RIMS1: variants seen among roughly 807,000 people sequenced by gnomAD.
RIMS1 encodes the protein regulating synaptic membrane exocytosis protein 1.
In RIMS1, 83 loss-of-function variants were observed where a neutral mutation model predicts 214.1. That is an observed-to-expected ratio of 0.39 (90% CI 0.32 to 0.47). The LOEUF (loss-of-function observed/expected upper bound fraction) is 0.47, where lower values mean the gene tolerates loss of function less well. Among genes scored for constraint, RIMS1 ranks in the 20% least tolerant of loss-of-function variants. The pLI is 0.99. For missense variants in RIMS1, 2,050 were observed against 2,161.8 expected, an observed-to-expected ratio of 0.95 and a Z score of 1.03; for synonymous variants, 793 against 786.8, an observed-to-expected ratio of 1.01 and a Z score of -0.13.
In RIMS1 at chr6:72,290,820, T is replaced by G. The variant is rs1380897315; in HGVS notation, c.3696T>G (p.Leu1232=). The G allele has an allele frequency of 6.2e-7, 1 of 1,613,508 alleles. No individual in the cohort carries two copies. Among genetic ancestry groups the G allele is most frequent in the African/African-American group, 1.3e-5 (1 of 75,030 alleles). ...SIRTLCSMHH[L]VPGGSAPPSP... is the part of the protein sequence containing the mutation. ...GAACACTGTGTTCTATGCACCACCT[T>G]GTCCCTGGAGGGTCGGCGCCACCTT... Residue 1232 remains leucine (L), a synonymous_variant, in exon 25 of 34, where the codon CTT becomes CTG. Coordinates refer to ENST00000521978, the MANE Select transcript of RIMS1 (RefSeq NM_014989.7).
intron 1 of RIMS1, among the ~76,000 whole-genome samples, chr6:71,943,966 C>T (rs1019911460): frequency 7.9e-5 from 12 of 152,062 alleles, no homozygotes; most frequent in African/African-American, 1.4e-4. Context: ...GAAATTTTAA[C>T]GTGTAATATA....
At position 72,096,935 on chromosome 6, in the gene RIMS1, T is replaced by C; in HGVS notation, c.246-14T>C. ...CTATTTACTTAGTTTGCTACCATTT[T>C]CTCTTTTGCCTAGGAGATTGCATCA... On this transcript the variant is annotated splice_polypyrimidine_tract_variant and intron_variant, in intron 2 of 33. Transcript: ENST00000521978. 1 of 1,605,912 alleles carries C rather than the reference T, an allele frequency of 6.2e-7. No individual in the cohort carries two copies. Among genetic ancestry groups the C allele is most frequent in the Non-Finnish European group, 8.5e-7 (1 of 1,174,032 alleles).
intron 4 of RIMS1, among the ~76,000 whole-genome samples, chr6:72,114,832 C>A (rs2153823492): frequency 6.6e-6 from 1 of 151,960 alleles, no homozygotes; most frequent in East Asian, 1.9e-4. Flanking sequence ...GTGGAGCTGT[C>A]TTATCAAACC....
chr6:72,148,154 A>C (rs927474782), intron 4 of RIMS1, among the ~76,000 whole-genome samples: 1 of 152,188 alleles, frequency 6.6e-6, no homozygotes, highest in African/African-American at 2.4e-5. Flanking sequence ...TGGGGGATTC[A>C]TCTGAGGGGT....
At chr6:71,922,093 A>G (rs1780181381) in intron 1 of RIMS1, among the ~76,000 whole-genome samples, 1 of 152,144 alleles carries the variant, frequency 6.6e-6, no homozygotes, top group Non-Finnish European at 1.5e-5. Flanking sequence ...CACTTCTCAC[A>G]TATACATAAT....
intron 6 of RIMS1, among the ~76,000 whole-genome samples, chr6:72,186,749 AT>A (rs2049155353): frequency 6.7e-6 from 1 of 149,736 alleles, no homozygotes; most frequent in Non-Finnish European, 1.5e-5. Flanking sequence ...TCACTTCCTC[AT>A]TCTATGTCCG....
chr6:72,265,557 C>CA (rs1308175941), intron 21 of RIMS1, 54 bp downstream of exon 21: 9 of 1,067,030 alleles, frequency 8.4e-6, no homozygotes, highest in African/African-American at 4.8e-5. Context: ...TGTTGTGAAC[C>CA]AAAAAAGTTG....
chr6:72,168,658 G>A (rs897106197), intron 4 of RIMS1, among the ~76,000 whole-genome samples: 14 of 150,226 alleles, frequency 9.3e-5, no homozygotes, highest in Non-Finnish European at 2.1e-4. Flanking sequence ...TAGTGCACAT[G>A]CTTGAGCCCA....
chr6:72,235,523 C>T, intron 7 of RIMS1, 95 bp from the exon 8 acceptor site: 2 of 756,480 alleles, frequency 2.6e-6, no homozygotes, highest in Non-Finnish European at 4.5e-6. Context: ...CAGTTCTATC[C>T]ATGTTACCTC....
intron 2 of RIMS1, among the ~76,000 whole-genome samples, chr6:72,075,230 T>C (rs953306057): frequency 2.0e-5 from 3 of 152,064 alleles, no homozygotes; most frequent in African/African-American, 7.2e-5. Context: ...CGCAGGTATA[T>C]ACCAGCACAC....
chr6:72,086,390 G>A (rs1293223388), intron 2 of RIMS1, among the ~76,000 whole-genome samples: 1 of 152,156 alleles, frequency 6.6e-6, no homozygotes. Flanking sequence ...AAGAGTTCAA[G>A]CTATGAAAGG....
chr6:72,051,460 G>T (rs72931445), intron 2 of RIMS1, among the ~76,000 whole-genome samples: 12,732 of 152,232 alleles, frequency 0.084, 590 homozygotes, highest in African/African-American at 0.11. Flanking sequence ...CTAGTAAGTG[G>T]TAGAGCCAGA....
intron 2 of RIMS1, among the ~76,000 whole-genome samples, chr6:72,009,295 T>A (rs1809288186): frequency 6.6e-6 from 1 of 152,112 alleles, no homozygotes; most frequent in Non-Finnish European, 1.5e-5. Flanking sequence ...AGACACAACA[T>A]ACCAGAATCT....
chr6:72,306,855 CAT>C (rs1311278809), intron 26 of RIMS1, among the ~76,000 whole-genome samples: 1 of 152,162 alleles, frequency 6.6e-6, no homozygotes, highest in African/African-American at 2.4e-5. Flanking sequence ...TGCATGTAAG[CAT>C]GTGCATATAG....
At chr6:72,330,343 T>C (rs1159521042) in intron 28 of RIMS1, among the ~76,000 whole-genome samples, 1 of 151,694 alleles carries the variant, frequency 6.6e-6, no homozygotes, top group Non-Finnish European at 1.5e-5. Flanking sequence ...TATAAATAAC[T>C]ACTTGAGATT....
intron 1 of RIMS1, among the ~76,000 whole-genome samples, chr6:71,906,016 T>C (rs961389174): frequency 1.6e-4 from 25 of 152,282 alleles, no homozygotes; most frequent in African/African-American, 5.5e-4. Context: ...TGTACTCCAG[T>C]GTGTCCCAGA....
At chr6:72,383,561 G>A (rs2154426588) in intron 29 of RIMS1, among the ~76,000 whole-genome samples, 1 of 147,484 alleles carries the variant, frequency 6.8e-6, no homozygotes, top group South Asian at 2.2e-4. Flanking sequence ...ATCACTTGAG[G>A]CCAGGGGTTG....
intron 29 of RIMS1, among the ~76,000 whole-genome samples, chr6:72,351,703 G>A (rs1043900730): frequency 6.6e-6 from 1 of 152,162 alleles, no homozygotes; most frequent in African/African-American, 2.4e-5. Context: ...CCTTCAGTAT[G>A]TTTAAAATGC....
intron 29 of RIMS1, among the ~76,000 whole-genome samples, chr6:72,369,910 C>T (rs1232563448): frequency 6.6e-6 from 1 of 152,160 alleles, no homozygotes; most frequent in Non-Finnish European, 1.5e-5. Context: ...AGTTATCCAC[C>T]TGAAGAGTTA....
Sources: allele counts gnomAD v4.1 joint callset (sites outside exome capture counted in the v4.1 genomes callset), GRCh38; gene constraint gnomAD v4.1.1; transcripts MANE v1.5; gene names NCBI Gene and HGNC (gene_info 2026-07-23, HGNC 2026-07-21).